Variants in PRORP observed in about 807,000 individuals in gnomAD.
PRORP encodes protein only RNase P catalytic subunit.
A neutral mutation model predicts 59.4 loss-of-function variants in PRORP; 51 were observed. That is an observed-to-expected ratio of 0.86 (90% confidence interval 0.69 to 1.08). PRORP has a LOEUF of 1.08. Among genes scored for constraint, PRORP ranks in the 50% least tolerant of loss-of-function variants. PRORP has a pLI of 0.00. For missense variants in PRORP, 646 were observed against 690.3 expected (o/e 0.94, Z 0.72); for synonymous variants, 231 against 245.6 (o/e 0.94, Z 0.55).
chr14:35,216,859 A>G (rs2049611026), intron 5 of PRORP, among the ~76,000 whole-genome samples: 1 of 152,192 alleles, frequency 6.6e-6, no homozygotes, highest in Non-Finnish European at 1.5e-5. Context: ...GTGAAGTGGT[A>G]TCGTAAGTGA....
intron 4 of PRORP, among the ~76,000 whole-genome samples, chr14:35,130,954 T>A (rs2047224022): frequency 1.3e-5 from 2 of 149,324 alleles, no homozygotes; most frequent in Middle Eastern, 7.2e-3. Context: ...TTTCTTCTTC[T>A]TCTTTTTTTT....
intron 5 of PRORP, among the ~76,000 whole-genome samples, chr14:35,233,174 C>T (rs1314887727): frequency 6.6e-6 from 1 of 150,642 alleles, no homozygotes; most frequent in Non-Finnish European, 1.5e-5. Flanking sequence ...TTTTTTGCGC[C>T]AGGGATACAC....
At chr14:35,242,887 C>T (rs756125917) in intron 5 of PRORP, among the ~76,000 whole-genome samples, 2 of 152,114 alleles carry the variant, frequency 1.3e-5, no homozygotes, top group Non-Finnish European at 1.5e-5. Flanking sequence ...GAGCAAATAG[C>T]CCTGAGGGAA....
At chr14:35,243,534 T>TA (rs35841850) in intron 5 of PRORP, among the ~76,000 whole-genome samples, 28,426 of 138,060 alleles carry the variant, frequency 0.21, 3,298 homozygotes, top group African/African-American at 0.35. Flanking sequence ...AGACCATGTC[T>TA]AAAAAAAAAA....
chr14:35,194,851 C>G (rs1386299682), intron 5 of PRORP, among the ~76,000 whole-genome samples: 1 of 152,058 alleles, frequency 6.6e-6, no homozygotes, highest in Non-Finnish European at 1.5e-5. Flanking sequence ...CTAGTATATC[C>G]TATTTCAAAA....
chr14:35,214,002 T>C (rs73236983), intron 5 of PRORP, among the ~76,000 whole-genome samples: 7,461 of 152,298 alleles, frequency 0.049, 329 homozygotes, highest in Admixed American at 0.15. Flanking sequence ...AAATAATGTA[T>C]ACCTGTATCA....
rs1368665888 is a variant in PRORP at position 35,123,157 on chromosome 14, A to G, written c.-89A>G. 5.9e-6 allele frequency: 8 copies of G among 1,360,400 alleles called. No individual in the cohort carries two copies. In the East Asian group the frequency reaches 1.8e-4, roughly 31 times the overall value. The allele number at this position is 1,360,400 out of a possible 1,614,324, so 84.3% of individuals were successfully genotyped here. A position where few individuals can be genotyped will look rare whatever the true frequency, so the allele number is the denominator to read the frequency against. ...TTAAAAAGTTCCACTTCGACTCTGC[A>G]CCGCCGACCCCCAATCTCTTTAATT... On this transcript the variant is annotated 5_prime_UTR_variant, in exon 2 of 8. Transcript: ENST00000534898.
chr14:35,167,150 A>G (rs1489511993), intron 4 of PRORP, among the ~76,000 whole-genome samples: 1 of 152,176 alleles, frequency 6.6e-6, no homozygotes, highest in Admixed American at 6.5e-5. Flanking sequence ...AAAGTGTTCA[A>G]AGATGCTGTA....
intron 5 of PRORP, among the ~76,000 whole-genome samples, chr14:35,216,427 A>G (rs1160631567): frequency 1.3e-5 from 2 of 151,610 alleles, no homozygotes; most frequent in Non-Finnish European, 1.5e-5. Flanking sequence ...CTCCCGCCTC[A>G]GCCCCCAAGT....
intron 5 of PRORP, chr14:35,222,335 C>T (rs1456610093): frequency 6.6e-6 from 1 of 152,194 alleles, no homozygotes; most frequent in African/African-American, 2.4e-5. Flanking sequence ...ACTGACATCT[C>T]TCCAACAGTA....
At chr14:35,161,809 A>G (rs2048067131) in intron 4 of PRORP, among the ~76,000 whole-genome samples, 1 of 152,152 alleles carries the variant, frequency 6.6e-6, no homozygotes, top group African/African-American at 2.4e-5. Flanking sequence ...AGATCAGTCA[A>G]GATTTAAGAA....
intron 5 of PRORP, among the ~76,000 whole-genome samples, chr14:35,221,507 GATT>G (rs1431048472): frequency 1.3e-5 from 2 of 151,930 alleles, no homozygotes; most frequent in South Asian, 4.1e-4. Flanking sequence ...TGTTTGTCTT[GATT>G]GGGGAGTTTG....
rs533478674 is a variant in PRORP at position 35,168,613 on chromosome 14, TA to T, written c.1168-12051del. Among the ~76,000 whole-genome samples, 150 of 152,230 alleles carry T rather than the reference TA, an allele frequency of 9.9e-4. 1 individual carries two copies. The highest frequency in any genetic ancestry group is 3.5e-3 in the African/African-American group (145 of 41,552). On this transcript the variant is annotated intron_variant, in intron 4 of 7. Coordinates refer to ENST00000534898, the MANE Select transcript of PRORP (RefSeq NM_014672.4). ...TAGACCTCAACTTAAAAAAAAATAA[TA>T]AAAAAGCATAGGCCTATTATTTTGT...
At chr14:35,220,387 TGCA>T (rs1358560038) in intron 5 of PRORP, among the ~76,000 whole-genome samples, 8 of 152,232 alleles carry the variant, frequency 5.3e-5, no homozygotes, top group Non-Finnish European at 7.3e-5. Flanking sequence ...AGATCTCTCC[TGCA>T]CAGTTAATAG....
chr14:35,239,127 G>A (rs2050293742), intron 5 of PRORP, among the ~76,000 whole-genome samples: 1 of 152,020 alleles, frequency 6.6e-6, no homozygotes, highest in Non-Finnish European at 1.5e-5. Flanking sequence ...GAGGCGAGGC[G>A]GGCGGATCTC....
At position 35,123,951 on chromosome 14, in the gene PRORP, A is replaced by T; in HGVS notation, c.706A>T (p.Ile236Phe). 1 of 1,614,178 alleles carries T rather than the reference A, an allele frequency of 6.2e-7. No individual in the cohort carries two copies. Among genetic ancestry groups the T allele is most frequent in the Non-Finnish European group, 8.5e-7 (1 of 1,180,018 alleles). Residue 236 changes from isoleucine to phenylalanine, a missense_variant, in exon 2 of 8, where the codon ATC becomes TTC. Coordinates refer to ENST00000534898, the MANE Select transcript of PRORP (RefSeq NM_014672.4). ...WREALLLLED[I>F]KKVITPSKKN... ...AGAAGCATTGTTGCTGTTAGAGGAC[A>T]TCAAAAAAGTTATAACTCCTTCAAA...
At chr14:35,223,104 C>A (rs2049832221) in intron 5 of PRORP, among the ~76,000 whole-genome samples, 2 of 152,302 alleles carry the variant, frequency 1.3e-5, no homozygotes, top group Non-Finnish European at 2.9e-5. Flanking sequence ...TCTTGTCACC[C>A]CACATCACTT....
rs183954978 is a variant in PRORP at position 35,153,304 on chromosome 14, C to G, written c.1167+25693C>G. 3.3e-5 allele frequency among the ~76,000 whole-genome samples: 5 copies of G among 152,312 alleles called. No homozygotes were observed. In the East Asian group the frequency reaches 7.7e-4, roughly 24 times the overall value. On this transcript the variant is annotated intron_variant, in intron 4 of 7. Coordinates refer to ENST00000534898, the MANE Select transcript of PRORP (RefSeq NM_014672.4). The stretch of plus-strand genomic sequence containing the variant: ...ACTTGGGAGGCTAAGGCAGGAGAAT[C>G]AGGCAGGGAGGTTGCAGTGAGCCGA...
At chr14:35,190,239 A>G (rs1047029430) in intron 5 of PRORP, among the ~76,000 whole-genome samples, 2 of 151,156 alleles carry the variant, frequency 1.3e-5, no homozygotes, top group East Asian at 3.9e-4. Flanking sequence ...TCTCTATTAA[A>G]AATACAAAAT....
Sources: gnomAD v4.1 joint callset for allele counts (sites outside exome capture counted in the v4.1 genomes callset) on GRCh38, gnomAD v4.1.1 for gene constraint, MANE v1.5 for transcripts, NCBI Gene and HGNC (gene_info 2026-07-23, HGNC 2026-07-21) for gene names.